ABCA5: variants seen among roughly 807,000 people sequenced by gnomAD.
ABCA5 encodes ATP binding cassette subfamily A member 5.
In ABCA5, 163 loss-of-function variants were observed where a neutral mutation model predicts 206.0. The observed-to-expected ratio is 0.79, with a 90% CI of 0.70 to 0.90. The LOEUF is 0.90. Among genes scored for constraint, ABCA5 ranks in the 40% least tolerant of loss-of-function variants. ABCA5 has a pLI of 0.00. For synonymous variants in ABCA5, 609 were observed against 613.8 expected (o/e 0.99, Z 0.11); for missense variants, 1,859 against 1,912.9 (o/e 0.97, Z 0.53).
chr17:69,311,838 A>G (rs1007113324), intron 3 of ABCA5, among the ~76,000 whole-genome samples: 5 of 152,172 alleles, frequency 3.3e-5, no homozygotes, highest in Admixed American at 6.6e-5. Flanking sequence ...AGAATTACCA[A>G]TGAATTTCAT....
At position 69,271,235 on chromosome 17, in the gene ABCA5, G is replaced by A. The variant is rs150255104; in HGVS notation, c.2819C>T (p.Thr940Met). 2.5e-4 allele frequency: 411 copies of A among 1,613,286 alleles called. No homozygotes were observed. Among genetic ancestry groups the A allele is most frequent in the Non-Finnish European group, 3.1e-4 (368 of 1,179,540 alleles). The change falls in exon 21 of 39, where the codon ACG becomes ATG. Residue 940 changes from threonine (T) to methionine (M), a missense_variant. Coordinates refer to ENST00000392676, the MANE Select transcript of ABCA5 (RefSeq NM_172232.4). ...SFFTSQNIMV[T>M]MINDSDYVSV... is the part of the protein sequence containing the mutation. ...TACATAGTCACTGTCATTAATCATC[G>A]TCACCATTATGTTCTGGCTTGTGAA...
intron 31 of ABCA5, among the ~76,000 whole-genome samples, chr17:69,254,888 A>G (rs1452374898): frequency 6.6e-6 from 1 of 152,178 alleles, no homozygotes; most frequent in East Asian, 1.9e-4. Flanking sequence ...CAGAGTTCAG[A>G]GACTTGGTCA....
intron 18 of ABCA5, among the ~76,000 whole-genome samples, chr17:69,280,229 A>G (rs1271426739): frequency 2.6e-5 from 4 of 152,296 alleles, no homozygotes; most frequent in Non-Finnish European, 4.4e-5. Flanking sequence ...CAAAGGACAT[A>G]AACAGACACT....
chr17:69,292,351 C>T (rs1284893110), intron 11 of ABCA5, among the ~76,000 whole-genome samples: 1 of 152,052 alleles, frequency 6.6e-6, no homozygotes, highest in Non-Finnish European at 1.5e-5. Flanking sequence ...TCTTATTTAC[C>T]TGTAAGCATA....
intron 20 of ABCA5, among the ~76,000 whole-genome samples, chr17:69,272,909 A>G (rs1216069871): frequency 6.6e-6 from 1 of 152,202 alleles, no homozygotes; most frequent in East Asian, 1.9e-4. Context: ...TGAATTAGTG[A>G]ATCAAAAAGG....
At chr17:69,303,811 T>TATAC (rs1567778180) in intron 7 of ABCA5, among the ~76,000 whole-genome samples, 60 of 4,220 alleles carry the variant, frequency 0.014, no homozygotes, top group African/African-American at 0.015. Context: ...TATATATACA[T>TATAC]ACATATATAT....
At chr17:69,304,871 C>A (rs188889788) in intron 6 of ABCA5, 61 bp from the exon 7 acceptor site, 4 of 1,365,410 alleles carry the variant, frequency 2.9e-6, no homozygotes, top group South Asian at 1.9e-5. Flanking sequence ...GTTAAAAAAT[C>A]ATTTTAAACA....
At chr17:69,272,031 G>A (rs2075279036) in intron 20 of ABCA5, among the ~76,000 whole-genome samples, 1 of 152,136 alleles carries the variant, frequency 6.6e-6, no homozygotes, top group African/African-American at 2.4e-5. Flanking sequence ...ATTCAGGGAA[G>A]GACAAATGTG....
intron 18 of ABCA5, among the ~76,000 whole-genome samples, chr17:69,283,574 G>T (rs1303420491): frequency 1.3e-5 from 2 of 152,078 alleles, no homozygotes; most frequent in Non-Finnish European, 2.9e-5. Flanking sequence ...CTTCACTATG[G>T]CTCCGGCCAT....
At chr17:69,276,390 A>G (rs1184405343) in intron 19 of ABCA5, among the ~76,000 whole-genome samples, 2 of 152,132 alleles carry the variant, frequency 1.3e-5, no homozygotes, top group African/African-American at 4.8e-5. Flanking sequence ...CCCAGATGGT[A>G]TTTTAATTAT....
chr17:69,303,374 C>T (rs962521673), intron 7 of ABCA5, among the ~76,000 whole-genome samples: 1 of 151,962 alleles, frequency 6.6e-6, no homozygotes, highest in Non-Finnish European at 1.5e-5. Context: ...TGCCTTGCCT[C>T]CCAAAGTGCT....
At chr17:69,277,510 A>G (rs1229547273) in intron 19 of ABCA5, 131 bp downstream of exon 19, 5 of 679,358 alleles carry the variant, frequency 7.4e-6, no homozygotes, top group Admixed American at 4.0e-5. Flanking sequence ...ACATTGTGAA[A>G]TTACAGTGGT....
intron 35 of ABCA5, 136 bp downstream of exon 35, chr17:69,251,611 A>T (rs376119739): frequency 1.9e-5 from 23 of 1,192,940 alleles, no homozygotes; most frequent in African/African-American, 1.4e-4. Flanking sequence ...TTCCAAGTCA[A>T]TCTATCAAAA....
At chr17:69,293,837 T>G (rs1386579817) in intron 11 of ABCA5, among the ~76,000 whole-genome samples, 1 of 88,490 alleles carries the variant, frequency 1.1e-5, no homozygotes, top group East Asian at 4.4e-4. Flanking sequence ...CATACTGGTG[T>G]GTGTGTGTGT....
At position 69,298,221 on chromosome 17, in the gene ABCA5, A is replaced by AAGGT. The variant is rs757307976; in HGVS notation, c.1268-866_1268-863dup. 1.3e-4 allele frequency among the ~76,000 whole-genome samples: 9 copies of AAGGT among 69,024 alleles called. 1 individual carries two copies. The highest frequency in any genetic ancestry group is 5.4e-4 in the Admixed American group (3 of 5,528). The allele number at this position is 69,024 out of a possible 152,430, so 45.3% of individuals were successfully genotyped here. ...CAGCAAAACCCTGTCGGAAGGAAGG[A>AAGGT]AGGTAGGTAGGAAGGAAGGAAGGAA... On this transcript the variant is annotated intron_variant, in intron 9 of 38. Transcript: ENST00000392676.
intron 20 of ABCA5, among the ~76,000 whole-genome samples, chr17:69,272,266 A>G (rs2075281745): frequency 6.6e-6 from 1 of 152,122 alleles, no homozygotes; most frequent in Non-Finnish European, 1.5e-5. Context: ...ACAGCACAAG[A>G]GATACAAAAA....
rs751795084 is a variant in ABCA5 at position 69,306,838 on chromosome 17, T to A, written c.675A>T (p.Leu225=). Reference sequence around the variant, plus strand: ...ATCCAAAAGGTGAAAATGCTATAACTAGGTATATTAAAATTACTCCTCGGG... The same window carrying A: ...ATCCAAAAGGTGAAAATGCTATAACAAGGTATATTAAAATTACTCCTCGGG... The part of the protein sequence containing the change: ...TFPRGVILIY[L]VIAFSPFGYF... The change falls in exon 6 of 39, where the codon CTA becomes CTT. Residue 225 remains leucine (L), a synonymous_variant. Transcript: ENST00000392676. 1 of 1,605,030 alleles carries A rather than the reference T, an allele frequency of 6.2e-7. No individual in the cohort carries two copies. The highest frequency in any genetic ancestry group is 8.5e-7 in the Non-Finnish European group (1 of 1,175,066).
chr17:69,264,935 AT>A, intron 23 of ABCA5, 30 bp from the exon 24 acceptor site: 2 of 1,390,652 alleles, frequency 1.4e-6, no homozygotes, highest in South Asian at 1.8e-5. Context: ...ATTTATTATA[AT>A]TTTAGACACT....
intron 35 of ABCA5, 57 bp from the exon 36 acceptor site, chr17:69,250,678 T>C: frequency 7.6e-7 from 1 of 1,319,124 alleles, no homozygotes; most frequent in South Asian, 1.4e-5. Flanking sequence ...CAAAGAATAA[T>C]CTCTCACACA....
Sources: allele counts gnomAD v4.1 joint callset (sites outside exome capture counted in the v4.1 genomes callset), GRCh38; gene constraint gnomAD v4.1.1; transcripts MANE v1.5; gene names NCBI Gene and HGNC (gene_info 2026-07-23, HGNC 2026-07-21).